Variants in SDK1 observed in about 807,000 individuals in gnomAD.
SDK1 encodes protein sidekick-1.
A neutral mutation model predicts 245.5 loss-of-function variants in SDK1; 157 were observed. The ratio of observed to expected loss-of-function variants is 0.64; its 90% CI spans 0.56 to 0.73. The LOEUF is 0.73. Ranked by LOEUF, SDK1 falls within the 30% of genes least tolerant of loss-of-function variation. The probability of loss-of-function intolerance (pLI) is 0.00; values close to 1 mark genes in which losing one functional copy is unlikely to be tolerated. For missense variants in SDK1, 3,583 were observed against 3,002.3 expected (o/e 1.19, Z -4.52); for synonymous variants, 1,647 against 1,278.5 (o/e 1.29, Z -6.15).
intron 1 of SDK1, among the ~76,000 whole-genome samples, chr7:3,495,320 C>G (rs751033053): frequency 7.6e-6 from 1 of 131,936 alleles, no homozygotes; most frequent in Non-Finnish European, 1.5e-5. Flanking sequence ...TGCAGTGTTG[C>G]AATCTCGGCT....
intron 1 of SDK1, among the ~76,000 whole-genome samples, chr7:3,438,593 G>A (rs2128587463): frequency 6.6e-6 from 1 of 152,310 alleles, no homozygotes; most frequent in East Asian, 1.9e-4. Context: ...CAGTAGGATG[G>A]TTAAGAACAT....
At chr7:3,711,371 C>T (rs1463832319) in intron 4 of SDK1, among the ~76,000 whole-genome samples, 1 of 152,140 alleles carries the variant, frequency 6.6e-6, no homozygotes, top group African/African-American at 2.4e-5. Flanking sequence ...AGGCCTCTGA[C>T]CTCGTAAAAT....
At chr7:3,386,976 T>C (rs1225763830) in intron 1 of SDK1, among the ~76,000 whole-genome samples, 1 of 152,184 alleles carries the variant, frequency 6.6e-6, no homozygotes, top group Admixed American at 6.5e-5. Context: ...GCATTCTAAC[T>C]TTAGAGCTAT....
rs1782651375 is a variant in SDK1, at chr7:4,182,408, G to T, written c.5098+3822G>T. Among the ~76,000 whole-genome samples, 3 of 152,330 alleles carry T rather than the reference G, an allele frequency of 2.0e-5. No homozygotes were observed. The South Asian group carries it at 6.2e-4, about 32-fold the overall frequency. The stretch of plus-strand genomic sequence containing the variant: ...TCCCAAACAGCTCCTTGCCCCAGGG[G>T]TATTGCCAGAGGGGATCAGAATACC... On this transcript the variant is annotated intron_variant, in intron 35 of 44. Transcript: ENST00000404826.
intron 30 of SDK1, among the ~76,000 whole-genome samples, chr7:4,156,495 G>A (rs1312069442): frequency 6.6e-6 from 1 of 152,182 alleles, no homozygotes; most frequent in Non-Finnish European, 1.5e-5. Flanking sequence ...TCTGAGATGT[G>A]CCTGCGGTCA....
chr7:4,204,038 C>G (rs922434414), intron 35 of SDK1, among the ~76,000 whole-genome samples: 1 of 152,200 alleles, frequency 6.6e-6, no homozygotes, highest in African/African-American at 2.4e-5. Context: ...GGCGGATATC[C>G]AAGTCCAGAG....
chr7:3,491,348 G>A (rs983190801), intron 1 of SDK1, among the ~76,000 whole-genome samples: 2 of 152,138 alleles, frequency 1.3e-5, no homozygotes, highest in African/African-American at 4.8e-5. Context: ...AGCATCTGGG[G>A]GTGGAACCCA....
chr7:3,496,725 G>A (rs1369084916), intron 1 of SDK1, among the ~76,000 whole-genome samples: 7 of 152,152 alleles, frequency 4.6e-5, no homozygotes, highest in Middle Eastern at 6.8e-3. Context: ...TTACTTCTCC[G>A]TTCATTTTCA....
intron 32 of SDK1, among the ~76,000 whole-genome samples, chr7:4,164,597 G>A (rs1011665446): frequency 3.2e-4 from 48 of 152,298 alleles, no homozygotes; most frequent in Non-Finnish European, 1.5e-4. Context: ...TAGACGTGGC[G>A]GCAGCCTGCC....
At chr7:3,403,555 T>G (rs1237973761) in intron 1 of SDK1, among the ~76,000 whole-genome samples, 1 of 151,906 alleles carries the variant, frequency 6.6e-6, no homozygotes, top group African/African-American at 2.4e-5. Flanking sequence ...AATAAAAGTT[T>G]ATTTGCACCT....
At chr7:3,724,506 G>A (rs1778950887) in intron 4 of SDK1, among the ~76,000 whole-genome samples, 2 of 152,310 alleles carry the variant, frequency 1.3e-5, no homozygotes, top group South Asian at 4.1e-4. Context: ...TAAAAGGTGA[G>A]AAGAGAGAAA....
intron 2 of SDK1, among the ~76,000 whole-genome samples, chr7:3,626,647 C>T (rs1583243101): frequency 6.6e-6 from 1 of 152,218 alleles, no homozygotes; most frequent in East Asian, 1.9e-4. Flanking sequence ...CTCTCCTCCT[C>T]ACCTCTGCTG....
intron 1 of SDK1, among the ~76,000 whole-genome samples, chr7:3,543,951 A>G (rs936635906): frequency 2.0e-5 from 3 of 152,198 alleles, no homozygotes; most frequent in Non-Finnish European, 4.4e-5. Flanking sequence ...TTGAAAAACG[A>G]TCATTTCTCT....
At chr7:3,644,078 T>G (rs1219887614) in intron 4 of SDK1, among the ~76,000 whole-genome samples, 1 of 150,674 alleles carries the variant, frequency 6.6e-6, no homozygotes, top group African/African-American at 2.4e-5. Flanking sequence ...AATTTTTGTG[T>G]TTTTAGCAGA....
chr7:3,775,336 T>C (rs1357552143), intron 4 of SDK1, among the ~76,000 whole-genome samples: 2 of 152,198 alleles, frequency 1.3e-5, no homozygotes, highest in Non-Finnish European at 2.9e-5. Flanking sequence ...CAACTGCCTA[T>C]GGTTCAACCT....
intron 4 of SDK1, among the ~76,000 whole-genome samples, chr7:3,671,853 T>C (rs969849107): frequency 2.0e-5 from 3 of 152,338 alleles, no homozygotes; most frequent in Admixed American, 6.5e-5. Flanking sequence ...TTCCTTCTTA[T>C]GTAATATGTC....
chr7:3,320,913 C>T (rs1488648480), intron 1 of SDK1, among the ~76,000 whole-genome samples: 2 of 152,068 alleles, frequency 1.3e-5, no homozygotes, highest in Non-Finnish European at 2.9e-5. Flanking sequence ...AAAAATCCAG[C>T]TAGGACTCAG....
chr7:3,878,394 G>A (rs1018807110), intron 5 of SDK1, among the ~76,000 whole-genome samples: 4 of 152,100 alleles, frequency 2.6e-5, no homozygotes, highest in South Asian at 2.1e-4. Flanking sequence ...GGTGGCAGGC[G>A]CCTGTAGTCC....
chr7:4,080,179 G>A (rs1016336539), intron 22 of SDK1, among the ~76,000 whole-genome samples: 2 of 152,114 alleles, frequency 1.3e-5, no homozygotes, highest in African/African-American at 4.8e-5. Flanking sequence ...TGCGGTGGCA[G>A]GGAGTGAGTC....
Sources: gnomAD v4.1 joint callset for allele counts (sites outside exome capture counted in the v4.1 genomes callset) on GRCh38, gnomAD v4.1.1 for gene constraint, MANE v1.5 for transcripts, NCBI Gene and HGNC (gene_info 2026-07-23, HGNC 2026-07-21) for gene names.